The following EPN2 variants were observed in gnomAD, a reference collection of about 807,000 sequenced individuals.
EPN2 encodes epsin-2.
EPN2 carries 34 observed loss-of-function variants against 61.7 expected under a neutral mutation model. The observed-to-expected ratio is 0.55, with a 90% confidence interval of 0.42 to 0.73. The LOEUF is 0.73. Among genes scored for constraint, EPN2 ranks in the 30% least tolerant of loss-of-function variants. The pLI is 0.00. For synonymous variants in EPN2, 349 were observed against 353.6 expected (o/e 0.99, Z 0.15); for missense variants, 714 against 839.2 (o/e 0.85, Z 1.84).
intron 4 of EPN2, among the ~76,000 whole-genome samples, chr17:19,302,421 G>C (rs1036769399): frequency 6.6e-6 from 1 of 152,184 alleles, no homozygotes; most frequent in Admixed American, 6.5e-5. Flanking sequence ...TTGCATTACT[G>C]TCTGAGCTCC....
rs1432497852 is a variant in EPN2 at position 19,313,233 on chromosome 17, C to T, written c.1101C>T (p.Gly367=). The change falls in exon 7 of 11, where the codon GGC becomes GGT. Residue 367 remains glycine (G), a synonymous_variant. Transcript: ENST00000314728. ...SASTNQTNPW[G]GPAAPASTSD... is the part of the protein sequence containing the mutation. Reference sequence around the variant, plus strand: ...CCACTAACCAGACCAACCCCTGGGGCGGGCCAGCGGCTCCTGCGAGTACTT... The same window carrying T: ...CCACTAACCAGACCAACCCCTGGGGTGGGCCAGCGGCTCCTGCGAGTACTT... 24 of 1,590,626 alleles carry T rather than the reference C, an allele frequency of 1.5e-5. No homozygotes were observed. The highest frequency in any genetic ancestry group is 4.5e-5 in the East Asian group (2 of 44,168).
In EPN2 at chr17:19,313,709, A is replaced by T. The variant is rs151187848; in HGVS notation, c.1147+430A>T. ...TACCACCACTGCTGATGAAAAGGGGATACATTTGCTATAATTCTGCTTGTT... is the reference window on the plus strand; with the variant it reads ...TACCACCACTGCTGATGAAAAGGGGTTACATTTGCTATAATTCTGCTTGTT... On this transcript the variant is annotated intron_variant, in intron 7 of 10. Transcript: ENST00000314728. 9.6e-4 allele frequency: 167 copies of T among 173,226 alleles called. 2 individuals carry two copies. Among genetic ancestry groups the T allele is most frequent in the African/African-American group, 3.7e-3 (158 of 42,490 alleles). 10.7% of individuals were successfully genotyped at this position (173,226 alleles called of 1,614,324 possible). A position where few individuals can be genotyped will look rare whatever the true frequency, so the allele number is the denominator to read the frequency against.
At chr17:19,269,512 T>C (rs887438462) in intron 1 of EPN2, among the ~76,000 whole-genome samples, 1 of 152,260 alleles carries the variant, frequency 6.6e-6, no homozygotes, top group Admixed American at 6.5e-5. Flanking sequence ...CTTGAGGATG[T>C]GAGTTCTGAA....
intron 4 of EPN2, among the ~76,000 whole-genome samples, chr17:19,305,578 T>G (rs1315149758): frequency 6.6e-6 from 1 of 152,204 alleles, no homozygotes; most frequent in Non-Finnish European, 1.5e-5. Flanking sequence ...AAGAATCAAT[T>G]TCCTGTTTTT....
chr17:19,261,592 T>C (rs779076063), intron 1 of EPN2, among the ~76,000 whole-genome samples: 2 of 152,226 alleles, frequency 1.3e-5, no homozygotes, highest in African/African-American at 2.4e-5. Flanking sequence ...GTTTGAAGAT[T>C]TGGACAGTGG....
chr17:19,279,319 A>G (rs2045337889), intron 1 of EPN2, among the ~76,000 whole-genome samples: 1 of 152,198 alleles, frequency 6.6e-6, no homozygotes, highest in African/African-American at 2.4e-5. Flanking sequence ...TGGGCCTCAC[A>G]GCCTCCCTGG....
intron 1 of EPN2, among the ~76,000 whole-genome samples, chr17:19,278,916 C>T (rs764233993): frequency 6.6e-6 from 1 of 152,212 alleles, no homozygotes; most frequent in African/African-American, 2.4e-5. Context: ...GGATTACAGT[C>T]ATGAACCACC....
At position 19,335,100 on chromosome 17, in the gene EPN2, T is replaced by C. The variant is rs539497657; in HGVS notation, c.*846T>C. On this transcript the variant is annotated 3_prime_UTR_variant, in exon 11 of 11. Transcript: ENST00000314728. ...GTTTGGATGACAAAAAAATGCCTTA[T>C]TGAAAAACTAAAGCAAATTCTTTAT... 5.1e-5 allele frequency: 11 copies of C among 216,286 alleles called. No homozygotes were observed. Among genetic ancestry groups the C allele is most frequent in the Non-Finnish European group, 8.2e-5 (9 of 110,136 alleles). The allele number at this position is 216,286 out of a possible 1,614,324, so 13.4% of individuals were successfully genotyped here. A position where few individuals can be genotyped will look rare whatever the true frequency, so the allele number is the denominator to read the frequency against.
At chr17:19,288,056 G>A (rs566069771) in intron 4 of EPN2, among the ~76,000 whole-genome samples, 10 of 152,324 alleles carry the variant, frequency 6.6e-5, no homozygotes, top group South Asian at 6.2e-4. Context: ...CTGGTCCTGA[G>A]TCTCAGCCCC....
chr17:19,311,505 TTATTA>T (rs1906137803), intron 5 of EPN2, among the ~76,000 whole-genome samples: 2 of 151,804 alleles, frequency 1.3e-5, no homozygotes, highest in Admixed American at 6.6e-5. Flanking sequence ...TTATATTTAA[TTATTA>T]TATTATATAA....
intron 1 of EPN2, among the ~76,000 whole-genome samples, chr17:19,245,437 A>C (rs1182961902): frequency 1.8e-5 from 2 of 108,538 alleles, no homozygotes; most frequent in African/African-American, 8.2e-5. Context: ...TTTTTTTTTG[A>C]GTTGGAGTCT....
At chr17:19,267,700 AC>A (rs2152210749) in intron 1 of EPN2, among the ~76,000 whole-genome samples, 1 of 152,064 alleles carries the variant, frequency 6.6e-6, no homozygotes, top group South Asian at 2.1e-4. Flanking sequence ...GCATTACCAC[AC>A]CCGGCTAATT....
intron 6 of EPN2, among the ~76,000 whole-genome samples, chr17:19,312,743 G>T (rs1358601325): frequency 6.6e-6 from 1 of 152,242 alleles, no homozygotes; most frequent in Non-Finnish European, 1.5e-5. Context: ...GCATGCAGGT[G>T]CCCGAGGAGG....
chr17:19,248,856 A>T (rs1157341845), intron 1 of EPN2, among the ~76,000 whole-genome samples: 1 of 152,224 alleles, frequency 6.6e-6, no homozygotes, highest in African/African-American at 2.4e-5. Context: ...GGTGTCAGAC[A>T]CTAGAATGGA....
intron 1 of EPN2, among the ~76,000 whole-genome samples, chr17:19,242,470 A>C (rs1299922817): frequency 6.6e-6 from 1 of 152,196 alleles, no homozygotes; most frequent in Non-Finnish European, 1.5e-5. Flanking sequence ...CAGATCCGCA[A>C]CATTGTTAAA....
intron 4 of EPN2, chr17:19,297,466 T>C (rs1416157966): frequency 6.6e-6 from 1 of 152,180 alleles, no homozygotes; most frequent in East Asian, 2.0e-4. Flanking sequence ...GTGCTCACTT[T>C]CTGCACTCAT....
At chr17:19,322,655 C>T (rs967758255) in intron 7 of EPN2, among the ~76,000 whole-genome samples, 1 of 151,516 alleles carries the variant, frequency 6.6e-6, no homozygotes. Flanking sequence ...TGGGAGGATC[C>T]CTTGAGCCTA....
At chr17:19,295,710 T>C (rs1166899322) in intron 4 of EPN2, among the ~76,000 whole-genome samples, 1 of 152,120 alleles carries the variant, frequency 6.6e-6, no homozygotes, top group Non-Finnish European at 1.5e-5. Flanking sequence ...ACAGTTGCCT[T>C]TTTTCCCTAA....
chr17:19,324,152 A>G (rs1454242740), intron 7 of EPN2, among the ~76,000 whole-genome samples: 1 of 152,278 alleles, frequency 6.6e-6, no homozygotes, highest in African/African-American at 2.4e-5. Flanking sequence ...CAGAAAAGCT[A>G]GTCTCAACAA....
Sources: allele counts gnomAD v4.1 joint callset (sites outside exome capture counted in the v4.1 genomes callset), GRCh38; gene constraint gnomAD v4.1.1; transcripts MANE v1.5; gene names NCBI Gene and HGNC (gene_info 2026-07-23, HGNC 2026-07-21).